The following NTNG1 variants were observed in gnomAD, a reference collection of about 807,000 sequenced individuals.
NTNG1 encodes netrin-G1.
Under a neutral mutation model 54.0 loss-of-function variants are expected in NTNG1, and 16 were observed. That is an observed-to-expected ratio of 0.30 (90% CI 0.20 to 0.45). The LOEUF is 0.45. NTNG1 is among the 20% of genes least tolerant of loss of function. NTNG1 has a pLI of 1.00. For missense variants in NTNG1, 530 were observed against 678.7 expected (o/e 0.78, Z 2.43); for synonymous variants, 255 against 263.1 (o/e 0.97, Z 0.30).
intron 2 of NTNG1, among the ~76,000 whole-genome samples, chr1:107,242,153 A>G (rs907115393): frequency 6.6e-6 from 1 of 151,616 alleles, no homozygotes; most frequent in Non-Finnish European, 1.5e-5. Flanking sequence ...GCGTGCCTGT[A>G]GTCCCAGCTA....
intron 2 of NTNG1, among the ~76,000 whole-genome samples, chr1:107,273,746 C>T (rs573261489): frequency 6.6e-6 from 1 of 152,260 alleles, no homozygotes; most frequent in African/African-American, 2.4e-5. Flanking sequence ...AATTCATGGG[C>T]CTCTTGTCGA....
chr1:107,267,175 G>A (rs1307990525), intron 2 of NTNG1, among the ~76,000 whole-genome samples: 3 of 152,274 alleles, frequency 2.0e-5, no homozygotes, highest in East Asian at 1.9e-4. Flanking sequence ...TGTAAAAAGG[G>A]ATGGCAAGAC....
chr1:107,163,821 C>T (rs1459977700), intron 2 of NTNG1, among the ~76,000 whole-genome samples: 1 of 152,062 alleles, frequency 6.6e-6, no homozygotes, highest in Non-Finnish European at 1.5e-5. Flanking sequence ...TAAATTAAAG[C>T]TCTTTTTATT....
chr1:107,283,162 T>A (rs1265858295), intron 2 of NTNG1, among the ~76,000 whole-genome samples: 2 of 152,194 alleles, frequency 1.3e-5, no homozygotes, highest in Admixed American at 1.3e-4. Flanking sequence ...CCTTTTACTC[T>A]GAGAGTAGCA....
chr1:107,477,321 G>A (rs565721222), intron 7 of NTNG1, among the ~76,000 whole-genome samples: 1 of 152,332 alleles, frequency 6.6e-6, no homozygotes, highest in South Asian at 2.1e-4. Flanking sequence ...GGAACCACAT[G>A]TTGCTGTTGA....
chr1:107,213,369 A>G (rs1659720853), intron 2 of NTNG1, among the ~76,000 whole-genome samples: 1 of 152,166 alleles, frequency 6.6e-6, no homozygotes, highest in Non-Finnish European at 1.5e-5. Flanking sequence ...AACCATTGGC[A>G]CTAACGCTCC....
intron 2 of NTNG1, among the ~76,000 whole-genome samples, chr1:107,230,723 G>A (rs1435708564): frequency 6.6e-6 from 1 of 151,904 alleles, no homozygotes; most frequent in Admixed American, 6.6e-5. Flanking sequence ...TGCTTTTTAA[G>A]CTATAACAGA....
chr1:107,230,534 A>G (rs1255953662), intron 2 of NTNG1, among the ~76,000 whole-genome samples: 1 of 152,224 alleles, frequency 6.6e-6, no homozygotes, highest in Non-Finnish European at 1.5e-5. Flanking sequence ...CTGAGTCAAT[A>G]GAATAGGATT....
chr1:107,244,196 C>A (rs1194872466), intron 2 of NTNG1, among the ~76,000 whole-genome samples: 1 of 152,112 alleles, frequency 6.6e-6, no homozygotes, highest in Non-Finnish European at 1.5e-5. Context: ...TACATAGAAA[C>A]CAATAAACAA....
chr1:107,166,229 G>C (rs952958934), intron 2 of NTNG1, among the ~76,000 whole-genome samples: 3 of 152,200 alleles, frequency 2.0e-5, no homozygotes, highest in African/African-American at 7.2e-5. Flanking sequence ...AGAAGAAATA[G>C]AAGGACATTC....
intron 3 of NTNG1, among the ~76,000 whole-genome samples, chr1:107,361,379 ATATATATATATATTTT>A: frequency 1.7e-5 from 1 of 60,116 alleles, no homozygotes; most frequent in Non-Finnish European, 3.6e-5. Context: ...ATATACATAT[ATATATATATATATTTT>A]TTTTTTTTTT....
chr1:107,211,038 A>G (rs1330468671), intron 2 of NTNG1, among the ~76,000 whole-genome samples: 2 of 152,104 alleles, frequency 1.3e-5, no homozygotes, highest in Non-Finnish European at 1.5e-5. Context: ...CACTGTACTC[A>G]ACTCCTATGT....
At chr1:107,188,272 T>C (rs979833469) in intron 2 of NTNG1, among the ~76,000 whole-genome samples, 1 of 152,148 alleles carries the variant, frequency 6.6e-6, no homozygotes, top group Non-Finnish European at 1.5e-5. Context: ...ATATGTTGCC[T>C]GGCTGCAGCA....
intron 3 of NTNG1, among the ~76,000 whole-genome samples, chr1:107,392,192 A>G (rs1672405986): frequency 6.6e-6 from 1 of 152,118 alleles, no homozygotes; most frequent in Non-Finnish European, 1.5e-5. Context: ...CATTTTGATT[A>G]GATATTCTTC....
chr1:107,177,332 G>A (rs979995125), intron 2 of NTNG1, among the ~76,000 whole-genome samples: 2 of 151,562 alleles, frequency 1.3e-5, no homozygotes, highest in African/African-American at 4.9e-5. Context: ...TGTCTAAGAA[G>A]CAACTTTTTT....
At chr1:107,446,068 T>C (rs1676289342) in intron 7 of NTNG1, among the ~76,000 whole-genome samples, 1 of 152,072 alleles carries the variant, frequency 6.6e-6, no homozygotes, top group Admixed American at 6.6e-5. Context: ...AAATAAAGAA[T>C]GTGAAGCAGA....
At chr1:107,453,082 A>ACTGAGAC (rs1676718572) in intron 7 of NTNG1, among the ~76,000 whole-genome samples, 6 of 152,206 alleles carry the variant, frequency 3.9e-5, no homozygotes, top group Non-Finnish European at 8.8e-5. Context: ...ACTTTCCTGA[A>ACTGAGAC]TGTTCAGTGA....
chr1:107,466,836 C>G (rs902137494), intron 7 of NTNG1, among the ~76,000 whole-genome samples: 1 of 152,158 alleles, frequency 6.6e-6, no homozygotes, highest in Non-Finnish European at 1.5e-5. Context: ...AGTATCTTAC[C>G]TCTCTCCTGA....
intron 7 of NTNG1, among the ~76,000 whole-genome samples, chr1:107,472,007 G>A (rs543426797): frequency 1.3e-5 from 2 of 152,232 alleles, no homozygotes; most frequent in African/African-American, 4.8e-5. Context: ...TGGGTAAATA[G>A]GACAAGTGTT....
Sources: allele counts gnomAD v4.1 joint callset (sites outside exome capture counted in the v4.1 genomes callset), GRCh38; gene constraint gnomAD v4.1.1; transcripts MANE v1.5; gene names NCBI Gene and HGNC (gene_info 2026-07-23, HGNC 2026-07-21).